Variants in MALT1 observed in about 807,000 individuals in gnomAD.
MALT1 encodes mucosa-associated lymphoid tissue lymphoma translocation protein 1.
MALT1 carries 36 observed loss-of-function variants against 85.5 expected under a neutral mutation model. That is an observed-to-expected ratio of 0.42 (90% CI 0.32 to 0.56). The LOEUF (loss-of-function observed/expected upper bound fraction) is 0.56. Ranked by LOEUF, MALT1 falls within the 20% of genes least tolerant of loss-of-function variation. MALT1 has a pLI of 0.10. For missense variants in MALT1, 716 were observed against 981.6 expected (o/e 0.73, Z 3.62); for synonymous variants, 359 against 361.3 (o/e 0.99, Z 0.07).
At chr18:58,685,865 G>C (rs1252552294) in intron 2 of MALT1, among the ~76,000 whole-genome samples, 2 of 151,962 alleles carry the variant, frequency 1.3e-5, no homozygotes, top group Non-Finnish European at 2.9e-5. Flanking sequence ...TTGTAGAAGG[G>C]GGTTAAATGG....
intron 3 of MALT1, among the ~76,000 whole-genome samples, chr18:58,698,986 C>G (rs557718391): frequency 6.6e-6 from 1 of 152,166 alleles, no homozygotes; most frequent in Non-Finnish European, 1.5e-5. Flanking sequence ...TTATGGCAGC[C>G]TCATTTCCCA....
Position 58,717,362 on chromosome 18 carries a change from CAA to C in MALT1, c.1018+1409_1018+1410del, listed in dbSNP as rs59731346. 7.3e-3 allele frequency among the ~76,000 whole-genome samples: 721 copies of C among 98,374 alleles called. 2 individuals are homozygous for C. The highest frequency in any genetic ancestry group is 0.02 in the African/African-American group (629 of 30,884). 64.5% of individuals were successfully genotyped at this position (98,374 alleles called of 152,430 possible). ...GGGCAACGAGAGTGAAACTCTGTCT[CAA>C]AAAAAAAAAAAAAGATTGAGGGAAA... On this transcript the variant is annotated intron_variant, in intron 9 of 16. Transcript: ENST00000649217.
intron 7 of MALT1, among the ~76,000 whole-genome samples, chr18:58,712,319 C>T (rs1319375058): frequency 6.6e-6 from 1 of 151,902 alleles, no homozygotes; most frequent in East Asian, 1.9e-4. Flanking sequence ...GCATGGTGTC[C>T]TCTATTTCAT....
intron 4 of MALT1, among the ~76,000 whole-genome samples, chr18:58,706,317 C>T (rs575133805): frequency 7.2e-5 from 11 of 152,192 alleles, no homozygotes; most frequent in East Asian, 3.9e-4. Flanking sequence ...CCACTGTGCC[C>T]GGGTAATTTT....
chr18:58,674,234 G>A (rs1340441636), intron 1 of MALT1: 2 of 152,170 alleles, frequency 1.3e-5, no homozygotes, highest in South Asian at 2.1e-4. Flanking sequence ...TGTTTTCCTC[G>A]CCTGCCTTCA....
chr18:58,723,232 TTTAGACAAGGG>T lies in MALT1; in HGVS notation c.1204_1214del (p.Leu402SerfsTer13). ...ATGCTGTGGATGAGTTTTTACTCCT[TTTAGACAAGGG>T]AGTATATGGTAAGATATTTATAATG... On this transcript the variant is annotated frameshift_variant, in exon 10 of 17. Transcript: ENST00000649217. LOFTEE classifies it high-confidence loss of function. 6.2e-7 allele frequency: 1 copy of T among 1,612,456 alleles called. No individual in the cohort carries two copies. Among genetic ancestry groups the T allele is most frequent in the Non-Finnish European group, 8.5e-7 (1 of 1,178,522 alleles).
chr18:58,726,781 T>C (rs1011487328), intron 10 of MALT1, among the ~76,000 whole-genome samples: 1 of 152,234 alleles, frequency 6.6e-6, no homozygotes, highest in Non-Finnish European at 1.5e-5. Context: ...ATAGCCTTTC[T>C]GTGTTCATCG....
At position 58,697,627 on chromosome 18, in the gene MALT1, G is replaced by C. The variant is rs112142877; in HGVS notation, c.498+1140G>C. On this transcript the variant is annotated intron_variant, in intron 3 of 16. Transcript: ENST00000649217. ...ATTAAATGCCCTTTGAGGAGAAATA[G>C]TGGAAAAACCCTACTACATTAAGTA... 7.2e-3 allele frequency among the ~76,000 whole-genome samples: 1,093 copies of C among 152,252 alleles called. 15 individuals are homozygous for C. The highest frequency in any genetic ancestry group is 0.025 in the African/African-American group (1,040 of 41,552).
intron 10 of MALT1, among the ~76,000 whole-genome samples, chr18:58,726,211 A>G (rs2055052607): frequency 6.6e-6 from 1 of 152,232 alleles, no homozygotes; most frequent in Non-Finnish European, 1.5e-5. Flanking sequence ...TGTTAAAGCA[A>G]AATGTCAGCT....
intron 15 of MALT1, 151 bp downstream of exon 15, chr18:58,744,646 T>C (rs1472967534): frequency 3.1e-6 from 1 of 318,622 alleles, no homozygotes; most frequent in Non-Finnish European, 5.4e-6. Context: ...CTGATCATAA[T>C]ATTTACTAAT....
chr18:58,723,287 C>A, intron 10 of MALT1, 36 bp downstream of exon 10: 4 of 1,476,190 alleles, frequency 2.7e-6, no homozygotes, highest in Non-Finnish European at 3.8e-6. Context: ...TACAATTATC[C>A]ATTATTCTTT....
rs2055419436 is a variant in MALT1 at position 58,749,593 on chromosome 18, T to C, written c.*1751T>C. On this transcript the variant is annotated 3_prime_UTR_variant, in exon 17 of 17. Coordinates refer to ENST00000649217, the MANE Select transcript of MALT1 (RefSeq NM_006785.4). ...CCATTTACACATATCCACAAATGAC[T>C]GCAAAAGTGCCACGGATATCAATTT... The C allele has an allele frequency of 4.6e-6, 1 of 219,378 alleles. No homozygotes were observed. Among genetic ancestry groups the C allele is most frequent in the African/African-American group, 2.2e-5 (1 of 44,586 alleles). The allele number at this position is 219,378 out of a possible 1,614,324, so 13.6% of individuals were successfully genotyped here. A position where few individuals can be genotyped will look rare whatever the true frequency, so the allele number is the denominator to read the frequency against.
intron 1 of MALT1, among the ~76,000 whole-genome samples, chr18:58,677,188 TA>T (rs34974752): frequency 0.37 from 55,660 of 151,930 alleles, 11,149 homozygotes; most frequent in African/African-American, 0.54. Flanking sequence ...GGAAAATCAG[TA>T]AAAACAAAAA....
intron 3 of MALT1, among the ~76,000 whole-genome samples, chr18:58,699,774 G>A (rs1238642092): frequency 6.6e-6 from 1 of 152,232 alleles, no homozygotes; most frequent in African/African-American, 2.4e-5. Flanking sequence ...AAAGTTGGGT[G>A]TAGCTGATCA....
intron 13 of MALT1, 94 bp downstream of exon 13, chr18:58,735,423 T>C: frequency 4.4e-6 from 6 of 1,357,888 alleles, no homozygotes; most frequent in Non-Finnish European, 4.9e-6. Context: ...TGTTTTATTC[T>C]TATTATGTGG....
At chr18:58,693,018 G>A (rs1602291612) in intron 2 of MALT1, among the ~76,000 whole-genome samples, 1 of 152,228 alleles carries the variant, frequency 6.6e-6, no homozygotes, top group Non-Finnish European at 1.5e-5. Context: ...AGAAAAGTTG[G>A]TTCATGAGGT....
At chr18:58,676,922 G>A (rs1462281520) in intron 1 of MALT1, among the ~76,000 whole-genome samples, 5 of 152,038 alleles carry the variant, frequency 3.3e-5, no homozygotes, top group Non-Finnish European at 5.9e-5. Context: ...CAGCATTATG[G>A]TTTGTCCCCT....
At chr18:58,709,652 C>A in intron 5 of MALT1, 96 bp downstream of exon 5, 1 of 1,024,274 alleles carries the variant, frequency 9.8e-7, no homozygotes, top group South Asian at 2.1e-5. Flanking sequence ...CATATCCTTT[C>A]AGATGTTTTA....
chr18:58,741,674 C>T (rs1450122789), intron 13 of MALT1, 191 bp from the exon 14 acceptor site: 2 of 408,648 alleles, frequency 4.9e-6, no homozygotes. Flanking sequence ...TTTATGAACA[C>T]TTACACACAT....
Sources: gnomAD v4.1 joint callset for allele counts (sites outside exome capture counted in the v4.1 genomes callset) on GRCh38, gnomAD v4.1.1 for gene constraint, MANE v1.5 for transcripts, NCBI Gene and HGNC (gene_info 2026-07-23, HGNC 2026-07-21) for gene names.